MCTP1: variants seen among roughly 807,000 people sequenced by gnomAD.
MCTP1 encodes multiple C2 and transmembrane domain containing 1.
MCTP1 carries 69 observed loss-of-function variants against 120.6 expected under a neutral mutation model. That is an observed-to-expected ratio of 0.57 (90% CI 0.47 to 0.70). The LOEUF (loss-of-function observed/expected upper bound fraction) is 0.70, where lower values mean the gene tolerates loss of function less well. Ranked by LOEUF, MCTP1 falls within the 30% of genes least tolerant of loss-of-function variation. MCTP1 has a pLI of 0.00. For missense variants in MCTP1, 1,203 were observed against 1,248.8 expected (o/e 0.96, Z 0.55); for synonymous variants, 529 against 493.1 (o/e 1.07, Z -0.96).
chr5:94,913,376 G>T (rs1809284323), intron 8 of MCTP1, among the ~76,000 whole-genome samples: 1 of 152,134 alleles, frequency 6.6e-6, no homozygotes, highest in Admixed American at 6.5e-5. Flanking sequence ...TATTTATGGT[G>T]TTTGAAGATC....
chr5:94,774,349 T>C (rs1374221178), intron 19 of MCTP1, among the ~76,000 whole-genome samples: 1 of 150,090 alleles, frequency 6.7e-6, no homozygotes, highest in Non-Finnish European at 1.5e-5. Flanking sequence ...GGTGAGGCCT[T>C]AAAAGGAACT....
chr5:94,786,875 C>T (rs553793509), intron 18 of MCTP1, among the ~76,000 whole-genome samples: 3 of 152,120 alleles, frequency 2.0e-5, no homozygotes, highest in Non-Finnish European at 2.9e-5. Flanking sequence ...CTGATGCAAT[C>T]GAGAACAAAT....
chr5:94,787,002 C>T (rs991443659), intron 18 of MCTP1, among the ~76,000 whole-genome samples: 2 of 152,154 alleles, frequency 1.3e-5, no homozygotes, highest in African/African-American at 2.4e-5. Context: ...AATTAGTCTC[C>T]ATCTCCAGGC....
intron 12 of MCTP1, among the ~76,000 whole-genome samples, chr5:94,873,584 T>C (rs1798228006): frequency 6.6e-6 from 1 of 152,018 alleles, no homozygotes; most frequent in Admixed American, 6.6e-5. Context: ...AATCAGTTTT[T>C]ATAGAAATCT....
chr5:95,262,185 T>C (rs576254286), intron 1 of MCTP1, among the ~76,000 whole-genome samples: 62 of 152,190 alleles, frequency 4.1e-4, no homozygotes, highest in Non-Finnish European at 8.2e-4. Context: ...TGCCTGTTCA[T>C]TTACCTTCAT....
chr5:94,947,605 G>GAC (rs1819422719), intron 3 of MCTP1, among the ~76,000 whole-genome samples: 2 of 113,768 alleles, frequency 1.8e-5, no homozygotes, highest in Admixed American at 9.4e-5. Context: ...GAGAGAGAGA[G>GAC]AGAGAGAGAG....
intron 1 of MCTP1, chr5:95,166,189 C>G (rs1355723375): frequency 2.0e-5 from 3 of 152,214 alleles, no homozygotes; most frequent in Non-Finnish European, 4.4e-5. Context: ...CGAGACCTGG[C>G]TTTTTGCACT....
intron 1 of MCTP1, among the ~76,000 whole-genome samples, chr5:95,199,865 GAA>G (rs1166510984): frequency 4.0e-5 from 4 of 99,926 alleles, no homozygotes; most frequent in Non-Finnish European, 4.2e-5. Flanking sequence ...CGTCTCAAAA[GAA>G]AAAAAAAAAA....
intron 10 of MCTP1, among the ~76,000 whole-genome samples, chr5:94,903,854 C>T (rs1806138147): frequency 6.6e-6 from 1 of 152,182 alleles, no homozygotes; most frequent in Non-Finnish European, 1.5e-5. Flanking sequence ...TTGCATGACA[C>T]AGGATTTACT....
intron 1 of MCTP1, chr5:95,081,484 G>A (rs1242679256): frequency 6.2e-7 from 1 of 1,610,660 alleles, no homozygotes; most frequent in Non-Finnish European, 8.5e-7. Flanking sequence ...GTCTAGCATA[G>A]TTGATTAGAA....
chr5:95,243,581 A>C (rs911237332), intron 1 of MCTP1, among the ~76,000 whole-genome samples: 7 of 152,212 alleles, frequency 4.6e-5, no homozygotes, highest in Non-Finnish European at 1.0e-4. Flanking sequence ...AATCAGTGAC[A>C]TTTTAAGAAA....
intron 19 of MCTP1, among the ~76,000 whole-genome samples, chr5:94,770,474 C>T (rs767585875): frequency 2.0e-5 from 3 of 152,116 alleles, no homozygotes; most frequent in Non-Finnish European, 2.9e-5. Context: ...ATCAGAATAA[C>T]CCAAAAGGAA....
intron 5 of MCTP1, among the ~76,000 whole-genome samples, chr5:94,936,445 G>A (rs536769554): frequency 1.3e-5 from 2 of 152,116 alleles, no homozygotes; most frequent in Admixed American, 1.3e-4. Flanking sequence ...GTATGGCTGG[G>A]ACAGAAGTTA....
intron 10 of MCTP1, among the ~76,000 whole-genome samples, chr5:94,908,350 G>A (rs1284535678): frequency 6.6e-6 from 1 of 151,584 alleles, no homozygotes; most frequent in Non-Finnish European, 1.5e-5. Flanking sequence ...TGAAGAAAAT[G>A]ATATATATAT....
At chr5:95,262,997 A>G (rs541763168) in intron 1 of MCTP1, among the ~76,000 whole-genome samples, 4 of 152,312 alleles carry the variant, frequency 2.6e-5, no homozygotes, top group African/African-American at 9.6e-5. Flanking sequence ...ACTCCTGCTT[A>G]GACCTTCCAT....
chr5:94,704,902 C>G lies in MCTP1; in HGVS notation c.*2594G>C, dbSNP rs1754184151. The G allele has an allele frequency of 6.6e-6, 1 of 150,874 alleles. No individual in the cohort carries two copies. The highest frequency in any genetic ancestry group is 2.4e-5 in the African/African-American group (1 of 41,192). The allele number at this position is 150,874 out of a possible 1,614,324, so 9.3% of individuals were successfully genotyped here. ...CAATCAGTTTGAGTCTGGAACAGTACCAGAATGAATGAGAAGTACTATTAT... is the reference window on the plus strand; with the variant it reads ...CAATCAGTTTGAGTCTGGAACAGTAGCAGAATGAATGAGAAGTACTATTAT... On this transcript the variant is annotated 3_prime_UTR_variant, in exon 23 of 23. Transcript: ENST00000515393.
chr5:94,712,662 CTT>C (rs1177400468), intron 20 of MCTP1, among the ~76,000 whole-genome samples: 1 of 152,020 alleles, frequency 6.6e-6, no homozygotes, highest in Non-Finnish European at 1.5e-5. Context: ...GCTTTTCTGT[CTT>C]TGTCTTCTTC....
intron 2 of MCTP1, among the ~76,000 whole-genome samples, chr5:94,984,044 T>C (rs1240649655): frequency 6.6e-6 from 1 of 152,150 alleles, no homozygotes; most frequent in African/African-American, 2.4e-5. Context: ...TCATCAGCAC[T>C]CCCCCAGATT....
intron 1 of MCTP1, among the ~76,000 whole-genome samples, chr5:95,067,951 G>T (rs957050036): frequency 1.3e-5 from 2 of 151,946 alleles, no homozygotes; most frequent in African/African-American, 4.8e-5. Context: ...CCATCCCTCT[G>T]GCACCCTCCT....
Sources: allele counts gnomAD v4.1 joint callset (sites outside exome capture counted in the v4.1 genomes callset), GRCh38; gene constraint gnomAD v4.1.1; transcripts MANE v1.5; gene names NCBI Gene and HGNC (gene_info 2026-07-23, HGNC 2026-07-21).